CALHM1: variants seen among roughly 807,000 people sequenced by gnomAD.
CALHM1 encodes calcium homeostasis modulator protein 1.
In CALHM1, 11 loss-of-function variants were observed where a neutral mutation model predicts 14.8. That is an observed-to-expected ratio of 0.74 (90% CI 0.47 to 1.23). The LOEUF (loss-of-function observed/expected upper bound fraction) is 1.23. Among genes scored for constraint, CALHM1 ranks in the 50% most tolerant of loss-of-function variants. The pLI is 0.00. For missense variants in CALHM1, 458 were observed against 496.4 expected (o/e 0.92, Z 0.74); for synonymous variants, 215 against 218.9 (o/e 0.98, Z 0.16).
chr10:103,458,151 C>T lies in CALHM1; in HGVS notation c.555+46G>A. 6.2e-7 allele frequency: 1 copy of T among 1,604,538 alleles called. No individual in the cohort carries two copies. The highest frequency in any genetic ancestry group is 8.5e-7 in the Non-Finnish European group (1 of 1,176,906). ...GGGGATAGGGCCCTCCCAGAGGGAC[C>T]TTGATCTGCCAGGGAGACCCAGCGT... On this transcript the variant is annotated intron_variant, in intron 1 of 1. Transcript: ENST00000329905. This position sits in a 1 kb window ranked among gnomAD's most constrained non-coding sequence, Gnocchi z 4.9.
intron 1 of CALHM1, among the ~76,000 whole-genome samples, chr10:103,456,896 C>G (rs2033157377): frequency 6.6e-6 from 1 of 152,158 alleles, no homozygotes; most frequent in Non-Finnish European, 1.5e-5. Flanking sequence ...TCAAGCAATC[C>G]TCTCACTTCA....
In CALHM1 at chr10:103,455,362, C is replaced by A. The variant is rs192144932; in HGVS notation, c.941G>T (p.Arg314Leu). Residue 314 changes from arginine (R) to leucine (L), a missense_variant, in exon 2 of 2, where the codon CGG (arginine) becomes CTG (leucine). Physicochemically the swap from Arg to Leu is moderately radical, Grantham distance 102. Transcript: ENST00000329905. The part of the protein sequence containing the change: ...TSWHKCKPPL[R>L]LGQEEPPLMG... ...CAGCGGTGGCTCCTCCTGGCCCAGCCGCAGAGGCGGTTTGCATTTGTGCCA... is the reference window on the plus strand; with the variant it reads ...CAGCGGTGGCTCCTCCTGGCCCAGCAGCAGAGGCGGTTTGCATTTGTGCCA... 9.5e-5 allele frequency: 154 copies of A among 1,613,820 alleles called. No homozygotes were observed. In the East Asian group the frequency reaches 2.9e-3, roughly 31 times the overall value.
In CALHM1 at chr10:103,458,180, G is replaced by A. The variant is rs1258730145; in HGVS notation, c.555+17C>T. 1 of 1,611,444 alleles carries A rather than the reference G, an allele frequency of 6.2e-7. No individual in the cohort carries two copies. Among genetic ancestry groups the A allele is most frequent in the Non-Finnish European group, 8.5e-7 (1 of 1,179,616 alleles). ...ATCTGCCAGGGAGACCCAGCGTGAA[G>A]CCATGCGGCCCCTCACCTGGGAGAT... On this transcript the variant is annotated intron_variant, in intron 1 of 1. Transcript: ENST00000329905. The surrounding 1 kb of genome is among the most constrained non-coding windows in gnomAD (Gnocchi z 4.9).
At chr10:103,457,862 C>T (rs950251814) in intron 1 of CALHM1, among the ~76,000 whole-genome samples, 5 of 152,228 alleles carry the variant, frequency 3.3e-5, no homozygotes, top group Non-Finnish European at 7.3e-5. Context: ...TCACCACTGC[C>T]GAGGCCCGGA....
At position 103,458,628 on chromosome 10, in the gene CALHM1, A is replaced by G. The variant is rs2033186050; in HGVS notation, c.124T>C (p.Cys42Arg). The G allele has an allele frequency of 1.2e-6, 2 of 1,613,970 alleles. No homozygotes were observed. The highest frequency in any genetic ancestry group is 1.6e-4 in the Middle Eastern group (1 of 6,062). Residue 42 changes from cysteine to arginine, a missense_variant, in exon 1 of 2, where the codon TGC becomes CGC. Coordinates refer to ENST00000329905, the MANE Select transcript of CALHM1 (RefSeq NM_001001412.4). The surrounding 1 kb of genome is among the most constrained non-coding windows in gnomAD (Gnocchi z 4.9). Reference protein sequence around the residue: ...AQMYSAFDFNCPCLPGYNAAY... With the variant: ...AQMYSAFDFNRPCLPGYNAAY... ...GCATTGTAGCCCGGCAGGCAGGGGC[A>G]GTTGAAGTCGAAGGCCGAGTACATC...
chr10:103,456,456 G>A (rs764083426), intron 1 of CALHM1, among the ~76,000 whole-genome samples: 51 of 152,380 alleles, frequency 3.3e-4, no homozygotes, highest in South Asian at 2.5e-3. Flanking sequence ...GCGCTGAAGA[G>A]CACCCTGCGC....
In CALHM1 at chr10:103,456,875, A is replaced by G. The variant is rs1024307193; in HGVS notation, c.556-1128T>C. Among the ~76,000 whole-genome samples, 86 of 152,260 alleles carry G rather than the reference A, an allele frequency of 5.6e-4. 1 individual carries two copies. Among genetic ancestry groups the G allele is most frequent in the Non-Finnish European group, 8.1e-4 (55 of 68,014 alleles). The stretch of plus-strand genomic sequence containing the variant: ...ACAATTACATTTCACTGCAGCCTTG[A>G]CCTCCCAGGCTCAAGCAATCCTCTC... On this transcript the variant is annotated intron_variant, in intron 1 of 1. Transcript: ENST00000329905.
chr10:103,458,617 C>G lies in CALHM1; in HGVS notation c.135G>C (p.Leu45=). 6.2e-7 allele frequency: 1 copy of G among 1,613,930 alleles called. No homozygotes were observed. The highest frequency in any genetic ancestry group is 8.5e-7 in the Non-Finnish European group (1 of 1,180,036). Residue 45 remains leucine, a synonymous_variant, in exon 1 of 2, where the codon CTG becomes CTC. Coordinates refer to ENST00000329905, the MANE Select transcript of CALHM1 (RefSeq NM_001001412.4). This position sits in a 1 kb window ranked among gnomAD's most constrained non-coding sequence, Gnocchi z 4.9. ...YSAFDFNCPC[L]PGYNAAYSAG... ...CGCTGTAGGCTGCATTGTAGCCCGG[C>G]AGGCAGGGGCAGTTGAAGTCGAAGG... is the stretch of plus-strand genomic sequence containing the variant.
In CALHM1 at chr10:103,455,605, T is replaced by C; in HGVS notation, c.698A>G (p.Glu233Gly). ...YIDIERKLFD[E>G]TCTEHAKAFA... The stretch of plus-strand genomic sequence containing the variant: ...GGCTTTGGCGTGCTCCGTGCACGTC[T>C]CGTCGAAGAGCTTGCGCTCGATGTC... Residue 233 changes from glutamate (E) to glycine (G), a missense_variant, in exon 2 of 2, where the codon GAG becomes GGG. Transcript: ENST00000329905. 6.2e-7 allele frequency: 1 copy of C among 1,613,990 alleles called. No homozygotes were observed.
chr10:103,455,764 G>A lies in CALHM1; in HGVS notation c.556-17C>T, dbSNP rs1038091144. On this transcript the variant is annotated splice_polypyrimidine_tract_variant and intron_variant, in intron 1 of 1. Coordinates refer to ENST00000329905, the MANE Select transcript of CALHM1 (RefSeq NM_001001412.4). ...GCCCAGCGCCTGTGGGAAGATGAGA[G>A]AGAGTCACGGGGCACTGTCCTTGGG... The A allele has an allele frequency of 7.5e-6, 12 of 1,605,660 alleles. No homozygotes were observed. Among genetic ancestry groups the A allele is most frequent in the Non-Finnish European group, 9.4e-6 (11 of 1,175,302 alleles).
Position 103,458,501 on chromosome 10 carries a change from C to G in CALHM1, c.251G>C (p.Arg84Pro). The G allele has an allele frequency of 6.2e-7, 1 of 1,613,320 alleles. No individual in the cohort carries two copies. Among genetic ancestry groups the G allele is most frequent in the East Asian group, 2.2e-5 (1 of 44,862 alleles). Residue 84 changes from arginine (R) to proline (P), a missense_variant, in exon 1 of 2, where the codon CGG (arginine) becomes CCG (proline). Transcript: ENST00000329905. The surrounding 1 kb of genome is among the most constrained non-coding windows in gnomAD (Gnocchi z 4.9). ...GTCCTTGGCCCGGCGGCCCAGCGGCCGCTTCCACTCTTCGGCCAGCATGGA... is the reference window on the plus strand; with the variant it reads ...GTCCTTGGCCCGGCGGCCCAGCGGCGGCTTCCACTCTTCGGCCAGCATGGA... ...NVSMLAEEWK[R>P]PLGRRAKDPA...
chr10:103,455,795 G>A (rs767821542), intron 1 of CALHM1, 48 bp from the exon 2 acceptor site: 16 of 1,570,706 alleles, frequency 1.0e-5, no homozygotes, highest in Middle Eastern at 1.8e-4. Flanking sequence ...TTGGGCCTCC[G>A]AGCCTGTTCA....
Position 103,455,713 on chromosome 10 carries a change from A to C in CALHM1, c.590T>G (p.Leu197Arg), listed in dbSNP as rs529972583. ...LGWSFVLLTTLLAFVVRSVRP... is the reference protein window; with the variant it reads ...LGWSFVLLTTRLAFVVRSVRP... ...CACAGAGCGCACCACGAATGCCAGC[A>C]GAGTGGTCAGCAGCACGAAGGACCA... The change falls in exon 2 of 2, where the codon CTG becomes CGG. Residue 197 changes from leucine (L) to arginine (R), a missense_variant. Transcript: ENST00000329905. 1.2e-6 allele frequency: 2 copies of C among 1,613,052 alleles called. No homozygotes were observed. The highest frequency in any genetic ancestry group is 4.5e-5 in the East Asian group (2 of 44,886).
rs1416567033 is a variant in CALHM1 at position 103,458,790 on chromosome 10, G to C, written c.-39C>G. On this transcript the variant is annotated 5_prime_UTR_variant, in exon 1 of 2. Coordinates refer to ENST00000329905, the MANE Select transcript of CALHM1 (RefSeq NM_001001412.4). The surrounding 1 kb of genome is among the most constrained non-coding windows in gnomAD (Gnocchi z 4.9). ...CCCGGCCTCCTCTTCCCAACTCACTGCTGCCTCCAAGAGGGCCCCTGCTGC... is the reference window on the plus strand; with the variant it reads ...CCCGGCCTCCTCTTCCCAACTCACTCCTGCCTCCAAGAGGGCCCCTGCTGC... 1.3e-6 allele frequency: 2 copies of C among 1,556,762 alleles called. No individual in the cohort carries two copies. Among genetic ancestry groups the C allele is most frequent in the Admixed American group, 1.8e-5 (1 of 56,308 alleles).
Position 103,455,592 on chromosome 10 carries a change from C to T in CALHM1, c.711G>A (p.Glu237=), listed in dbSNP as rs748121005. ...AGACCTTGGCAAAGGCTTTGGCGTG[C>T]TCCGTGCACGTCTCGTCGAAGAGCT... is the stretch of plus-strand genomic sequence containing the variant. ...ERKLFDETCT[E]HAKAFAKVCI... Residue 237 remains glutamate, a synonymous_variant, in exon 2 of 2, where the codon GAG becomes GAA. Transcript: ENST00000329905. 1.2e-6 allele frequency: 2 copies of T among 1,614,022 alleles called. No individual in the cohort carries two copies. The highest frequency in any genetic ancestry group is 1.7e-5 in the Admixed American group (1 of 60,032).
chr10:103,458,492 C>T lies in CALHM1; in HGVS notation c.260G>A (p.Gly87Asp). ...CACAGCGGGGTCCTTGGCCCGGCGG[C>T]CCAGCGGCCGCTTCCACTCTTCGGC... ...MLAEEWKRPL[G>D]RRAKDPAVLR... Residue 87 changes from glycine to aspartate, a missense_variant, in exon 1 of 2, where the codon GGC becomes GAC. Gly to Asp is a moderately conservative substitution (Grantham distance 94, BLOSUM62 -1). Coordinates refer to ENST00000329905, the MANE Select transcript of CALHM1 (RefSeq NM_001001412.4). The surrounding 1 kb of genome is among the most constrained non-coding windows in gnomAD (Gnocchi z 4.9). The T allele has an allele frequency of 1.9e-6, 3 of 1,612,382 alleles. No homozygotes were observed. Among genetic ancestry groups the T allele is most frequent in the Non-Finnish European group, 2.5e-6 (3 of 1,179,400 alleles).
At chr10:103,457,810 T>G (rs2033167982) in intron 1 of CALHM1, among the ~76,000 whole-genome samples, 1 of 152,222 alleles carries the variant, frequency 6.6e-6, no homozygotes, top group East Asian at 1.9e-4. Context: ...TGGGGGCATT[T>G]GCTAGGGAAA....
chr10:103,456,048 G>C (rs759224582), intron 1 of CALHM1, among the ~76,000 whole-genome samples: 17 of 152,236 alleles, frequency 1.1e-4, no homozygotes, highest in Admixed American at 5.9e-4. Context: ...GGGTTTGAAT[G>C]CTGTCTCCAC....
Position 103,453,352 on chromosome 10 carries a change from A to G in CALHM1, c.*1910T>C, listed in dbSNP as rs913865198. On this transcript the variant is annotated 3_prime_UTR_variant, in exon 2 of 2. Coordinates refer to ENST00000329905, the MANE Select transcript of CALHM1 (RefSeq NM_001001412.4). ...TATCCTTACCACAATCCTGAAAATC[A>G]GGTCTTTTTTAAAAAATAATTTTTT... is the stretch of plus-strand genomic sequence containing the variant. 6.6e-6 allele frequency: 1 copy of G among 152,162 alleles called. No homozygotes were observed. The highest frequency in any genetic ancestry group is 1.5e-5 in the Non-Finnish European group (1 of 68,038). 9.4% of individuals were successfully genotyped at this position (152,162 alleles called of 1,614,324 possible).
Sources: allele counts gnomAD v4.1 joint callset (sites outside exome capture counted in the v4.1 genomes callset), GRCh38; gene constraint gnomAD v4.1.1; non-coding constraint Gnocchi (gnomAD v3.1); transcripts MANE v1.5; gene names NCBI Gene and HGNC (gene_info 2026-07-23, HGNC 2026-07-21).